CHIC2: variants seen among roughly 807,000 people sequenced by gnomAD.
CHIC2 encodes the protein cysteine rich hydrophobic domain 2.
In CHIC2, 14 loss-of-function variants were observed where a neutral mutation model predicts 25.9. That is an observed-to-expected ratio of 0.54 (90% CI 0.36 to 0.85). The LOEUF is 0.85. Among genes scored for constraint, CHIC2 ranks in the 40% least tolerant of loss-of-function variants. The probability of loss-of-function intolerance (pLI) is 0.01; values close to 1 mark genes in which losing one functional copy is unlikely to be tolerated. For synonymous variants in CHIC2, 70 were observed against 72.0 expected, an observed-to-expected ratio of 0.97 and a Z score of 0.14; for missense variants, 146 against 202.0, an observed-to-expected ratio of 0.72 and a Z score of 1.68.
chr4:54,027,017 C>T lies in CHIC2; in HGVS notation c.331-12898G>A, dbSNP rs1168880368. Among the ~76,000 whole-genome samples, 6 of 152,054 alleles carry T rather than the reference C, an allele frequency of 3.9e-5. No homozygotes were observed. The East Asian group carries it at 9.6e-4, about 24-fold the overall frequency. On this transcript the variant is annotated intron_variant, in intron 3 of 5. Coordinates refer to ENST00000263921, the MANE Select transcript of CHIC2 (RefSeq NM_012110.4). ...TTTTCTTAGCCACTAACAAGGCTAT[C>T]GGCCTTGAATAATCAACTTACTCTA...
chr4:54,019,662 C>T (rs1017784377), intron 3 of CHIC2, among the ~76,000 whole-genome samples: 5 of 152,150 alleles, frequency 3.3e-5, no homozygotes, highest in African/African-American at 1.2e-4. Context: ...TATCTACTAA[C>T]TCTGAGTACC....
chr4:54,064,627 C>T (rs1717458887), upstream of CHIC2: 3 of 1,097,572 alleles, frequency 2.7e-6, no homozygotes, highest in East Asian at 9.8e-5. The surrounding 1 kb of genome is among the most constrained non-coding windows in gnomAD (Gnocchi z 4.2). Flanking sequence ...CCGAGCCACC[C>T]GCAGCGGGAG....
chr4:54,076,952 T>G, the CHIC2 span: 1 of 139,014 alleles, frequency 7.2e-6, no homozygotes. Flanking sequence ...AGGAATCATT[T>G]GTACTGATAA....
At chr4:54,045,055 T>A (rs1425291440) in intron 3 of CHIC2, among the ~76,000 whole-genome samples, 1 of 152,086 alleles carries the variant, frequency 6.6e-6, no homozygotes, top group Non-Finnish European at 1.5e-5. Context: ...CCAGAAGAAA[T>A]GGATAAATTC....
At chr4:54,072,162 G>A in the CHIC2 span, among the ~76,000 whole-genome samples, 7 of 152,064 alleles carry the variant, frequency 4.6e-5, no homozygotes, top group African/African-American at 9.6e-5. Flanking sequence ...GTGTCATGGC[G>A]CGTGGTGGTG....
intron 3 of CHIC2, among the ~76,000 whole-genome samples, chr4:54,041,941 T>C (rs750183906): frequency 6.6e-6 from 1 of 150,960 alleles, no homozygotes; most frequent in Non-Finnish European, 1.5e-5. Flanking sequence ...CAAACCACCA[T>C]GGCACGTGTA....
chr4:54,017,733 C>T (rs1195530645), intron 3 of CHIC2, among the ~76,000 whole-genome samples: 1 of 152,152 alleles, frequency 6.6e-6, no homozygotes, highest in East Asian at 1.9e-4. Flanking sequence ...CGTCATGTTA[C>T]TAACCTGGTC....
the CHIC2 span, among the ~76,000 whole-genome samples, chr4:54,071,849 C>A: frequency 2.0e-5 from 3 of 151,792 alleles, no homozygotes; most frequent in Non-Finnish European, 2.9e-5. Flanking sequence ...TGTATAAAAT[C>A]ATATTTTCCA....
chr4:54,053,387 T>C (rs1378972875), intron 1 of CHIC2, among the ~76,000 whole-genome samples: 1 of 152,032 alleles, frequency 6.6e-6, no homozygotes, highest in African/African-American at 2.4e-5. Flanking sequence ...TGAAACCCCA[T>C]CACTACTAAA....
chr4:54,013,110 T>G (rs1434269795), intron 5 of CHIC2, among the ~76,000 whole-genome samples: 1 of 152,094 alleles, frequency 6.6e-6, no homozygotes, highest in African/African-American at 2.4e-5. Context: ...AACCTGGCCA[T>G]ATTTAAAATA....
chr4:54,032,476 C>T (rs527966542), intron 3 of CHIC2, among the ~76,000 whole-genome samples: 1 of 152,204 alleles, frequency 6.6e-6, no homozygotes, highest in East Asian at 1.9e-4. Flanking sequence ...CTGTGTTGGC[C>T]GGGCCGGTCT....
At chr4:54,016,723 C>G (rs561121351) in intron 3 of CHIC2, among the ~76,000 whole-genome samples, 19 of 151,848 alleles carry the variant, frequency 1.3e-4, no homozygotes, top group South Asian at 6.2e-4. Flanking sequence ...CACTTGACAT[C>G]TCAATGATTT....
chr4:54,040,528 C>T (rs1230955341), intron 3 of CHIC2, among the ~76,000 whole-genome samples: 5 of 151,970 alleles, frequency 3.3e-5, no homozygotes, highest in Admixed American at 6.6e-5. Flanking sequence ...TGGTGAAACC[C>T]CGTCTCTACT....
intron 3 of CHIC2, among the ~76,000 whole-genome samples, chr4:54,047,877 T>G (rs551209041): frequency 1.3e-5 from 2 of 152,120 alleles, no homozygotes; most frequent in African/African-American, 4.8e-5. Flanking sequence ...TAAAAAAATT[T>G]TTTTAAAGTA....
chr4:54,091,573 A>G, the CHIC2 span, among the ~76,000 whole-genome samples: 1 of 152,218 alleles, frequency 6.6e-6, no homozygotes, highest in Non-Finnish European at 1.5e-5. Context: ...ATCAAAGACC[A>G]CATTGGGTAC....
chr4:54,086,988 CA>C, the CHIC2 span: 1 of 916,994 alleles, frequency 1.1e-6, no homozygotes, highest in Non-Finnish European at 1.8e-6. Context: ...AAGACAACTT[CA>C]AAAAACCAAC....
the CHIC2 span, among the ~76,000 whole-genome samples, chr4:54,075,481 G>A: frequency 6.6e-6 from 1 of 152,102 alleles, no homozygotes; most frequent in African/African-American, 2.4e-5. Flanking sequence ...AACATGTAAA[G>A]GAATGCAATA....
upstream of CHIC2, among the ~76,000 whole-genome samples, chr4:54,065,957 C>G (rs1717509653): frequency 6.6e-6 from 1 of 152,162 alleles, no homozygotes; most frequent in African/African-American, 2.4e-5. Context: ...GGTATTTGTT[C>G]ATTCAACAAA....
the CHIC2 span, among the ~76,000 whole-genome samples, chr4:54,077,957 G>GTTC: frequency 6.6e-6 from 1 of 152,204 alleles, no homozygotes; most frequent in East Asian, 1.9e-4. Context: ...TCAGCATGTG[G>GTTC]TTCTATTCTG....
Sources: allele counts gnomAD v4.1 joint callset (sites outside exome capture counted in the v4.1 genomes callset), GRCh38; gene constraint gnomAD v4.1.1; non-coding constraint Gnocchi (gnomAD v3.1); transcripts MANE v1.5; gene names NCBI Gene and HGNC (gene_info 2026-07-23, HGNC 2026-07-21).